Variants in LIN9 observed in about 807,000 individuals in gnomAD.
LIN9 encodes lin-9 DREAM MuvB core complex component, also known as protein lin-9 homolog.
A neutral mutation model predicts 78.0 loss-of-function variants in LIN9; 18 were observed. That is an observed-to-expected ratio of 0.23 (90% CI 0.16 to 0.34). LIN9 has a LOEUF of 0.34. Among genes scored for constraint, LIN9 ranks in the 10% least tolerant of loss-of-function variants. The pLI is 1.00. For synonymous variants in LIN9, 192 were observed against 215.2 expected, an observed-to-expected ratio of 0.89 and a Z score of 0.94; for missense variants, 451 against 644.1, an observed-to-expected ratio of 0.70 and a Z score of 3.25.
intron 10 of LIN9, among the ~76,000 whole-genome samples, chr1:226,253,116 A>G (rs1658946953): frequency 1.3e-5 from 2 of 151,778 alleles, no homozygotes; most frequent in Non-Finnish European, 2.9e-5. Context: ...GTAAAAAATT[A>G]GCCAAGTGTG....
Position 226,267,994 on chromosome 1 carries a change from C to T in LIN9, c.779G>A (p.Gly260Glu). ...GTCAGGGATGGTATGGGTTCCAAGC[C>T]CTGTCCTATCAAAAGTTACTCTATA... is the stretch of plus-strand genomic sequence containing the variant. ...ATYRVTFDRT[G>E]LGTHTIPDYE... The change falls in exon 8 of 15, where the codon GGG (glycine) becomes GAG (glutamate). Residue 260 changes from glycine (G) to glutamate (E), a missense_variant. Physicochemically the swap from Gly to Glu is moderately conservative, Grantham distance 98. Transcript: ENST00000681046. The T allele has an allele frequency of 6.2e-7, 1 of 1,613,752 alleles. No individual in the cohort carries two copies. Among genetic ancestry groups the T allele is most frequent in the Non-Finnish European group, 8.5e-7 (1 of 1,179,818 alleles).
At chr1:226,261,869 CAT>C (rs572077841) in intron 10 of LIN9, among the ~76,000 whole-genome samples, 11 of 152,202 alleles carry the variant, frequency 7.2e-5, no homozygotes, top group Admixed American at 1.3e-4. Context: ...AACTTCAAAA[CAT>C]ACTATAAACC....
rs184060115 is a variant in LIN9 at position 226,231,709 on chromosome 1, A to G, written c.*792T>C. 1.5e-3 allele frequency: 224 copies of G among 154,096 alleles called. 1 individual carries two copies. The highest frequency in any genetic ancestry group is 0.012 in the Admixed American group (188 of 15,324). 9.5% of individuals were successfully genotyped at this position (154,096 alleles called of 1,614,324 possible). On this transcript the variant is annotated 3_prime_UTR_variant, in exon 15 of 15. Coordinates refer to ENST00000681046, the MANE Select transcript of LIN9 (RefSeq NM_001366245.2). ...TGCAAATAAACAAAAAAATATGAAA[A>G]TAGTGTGTTATCATTTTTTTTTTAA...
chr1:226,308,136 A>G (rs1211206190), intron 1 of LIN9, among the ~76,000 whole-genome samples: 1 of 152,252 alleles, frequency 6.6e-6, no homozygotes, highest in African/African-American at 2.4e-5. Context: ...TAAACTGAAT[A>G]GTGAAAGTGG....
chr1:226,295,738 A>G, intron 4 of LIN9, 104 bp downstream of exon 4: 1 of 679,726 alleles, frequency 1.5e-6, no homozygotes, highest in Non-Finnish European at 2.5e-6. Flanking sequence ...ACGAATTTAA[A>G]GAAAAGAACT....
rs1187402418 is a variant in LIN9 at position 226,231,371 on chromosome 1, T to TA, written c.*1129dup. 6.6e-6 allele frequency: 1 copy of TA among 152,516 alleles called. No homozygotes were observed. Among genetic ancestry groups the TA allele is most frequent in the East Asian group, 1.9e-4 (1 of 5,196 alleles). The allele number at this position is 152,516 out of a possible 1,614,324, so 9.4% of individuals were successfully genotyped here. ...TTCAGTTTTATTATACATTAACATATAAAAAGTCTCATTTTATGAGACATC... is the reference window on the plus strand; with the variant it reads ...TTCAGTTTTATTATACATTAACATATAAAAAAGTCTCATTTTATGAGACATC... On this transcript the variant is annotated 3_prime_UTR_variant, in exon 15 of 15. Coordinates refer to ENST00000681046, the MANE Select transcript of LIN9 (RefSeq NM_001366245.2).
chr1:226,257,436 G>A (rs1445454186), intron 10 of LIN9, among the ~76,000 whole-genome samples: 1 of 152,138 alleles, frequency 6.6e-6, no homozygotes, highest in Non-Finnish European at 1.5e-5. Flanking sequence ...CAGCATATTT[G>A]ATTATATATG....
At chr1:226,305,315 G>GAAAAAAA (rs111859953) in intron 1 of LIN9, among the ~76,000 whole-genome samples, 5 of 77,534 alleles carry the variant, frequency 6.4e-5, no homozygotes, top group Non-Finnish European at 1.3e-4. Flanking sequence ...ACAAAAAAAA[G>GAAAAAAA]AAAAAAAAAA....
At chr1:226,300,811 G>A (rs370765035) in intron 2 of LIN9, among the ~76,000 whole-genome samples, 6 of 151,992 alleles carry the variant, frequency 3.9e-5, no homozygotes, top group East Asian at 3.9e-4. Context: ...AGCCAAGATT[G>A]CACCGTTGTA....
In LIN9 at chr1:226,268,009, G is replaced by A. The variant is rs1660041004; in HGVS notation, c.764C>T (p.Thr255Ile). The A allele has an allele frequency of 1.9e-6, 3 of 1,613,874 alleles. No individual in the cohort carries two copies. The highest frequency in any genetic ancestry group is 2.5e-6 in the Non-Finnish European group (3 of 1,179,878). Residue 255 changes from threonine to isoleucine, a missense_variant, in exon 8 of 15, where the codon ACT becomes ATT. Coordinates refer to ENST00000681046, the MANE Select transcript of LIN9 (RefSeq NM_001366245.2). ...GGTTCCAAGCCCTGTCCTATCAAAA[G>A]TTACTCTATAAGTAGCATTAAGAGT... ...VDTLNATYRV[T>I]FDRTGLGTHT... is the part of the protein sequence containing the mutation.
intron 12 of LIN9, among the ~76,000 whole-genome samples, chr1:226,237,423 G>T (rs930148302): frequency 2.0e-5 from 3 of 151,162 alleles, no homozygotes; most frequent in Non-Finnish European, 4.4e-5. Context: ...ACCTGAGGTC[G>T]GGAGTTTGAG....
intron 4 of LIN9, among the ~76,000 whole-genome samples, chr1:226,292,248 C>T (rs966289343): frequency 6.6e-6 from 1 of 151,808 alleles, no homozygotes; most frequent in African/African-American, 2.4e-5. Flanking sequence ...GCAGCTTCCA[C>T]CTCCCAGATT....
intron 6 of LIN9, among the ~76,000 whole-genome samples, chr1:226,285,254 A>G (rs1025391608): frequency 6.6e-6 from 1 of 152,168 alleles, no homozygotes; most frequent in Non-Finnish European, 1.5e-5. Context: ...ATGATAGCAA[A>G]AAGTCACCAA....
chr1:226,251,216 A>G (rs142495220), intron 10 of LIN9, among the ~76,000 whole-genome samples: 371 of 146,986 alleles, frequency 2.5e-3, no homozygotes, highest in African/African-American at 8.9e-3. Flanking sequence ...ACCATGCCTG[A>G]CTAATTTTTG....
At chr1:226,308,503 T>C (rs1663065659) in intron 1 of LIN9, among the ~76,000 whole-genome samples, 1 of 152,200 alleles carries the variant, frequency 6.6e-6, no homozygotes, top group African/African-American at 2.4e-5. Flanking sequence ...CACAGCCACC[T>C]GTGGTCCCAG....
intron 6 of LIN9, among the ~76,000 whole-genome samples, chr1:226,278,994 CAAAA>C (rs1370509026): frequency 6.8e-6 from 1 of 146,364 alleles, no homozygotes; most frequent in Non-Finnish European, 1.5e-5. Flanking sequence ...AACAAACAAA[CAAAA>C]AAACCACAAA....
intron 7 of LIN9, among the ~76,000 whole-genome samples, chr1:226,270,819 T>C (rs1018018071): frequency 6.6e-5 from 8 of 121,346 alleles, no homozygotes; most frequent in Admixed American, 3.5e-4. Context: ...AGCAAGACTC[T>C]GTCTCAAAAA....
At chr1:226,245,557 G>C (rs569770013) in intron 11 of LIN9, among the ~76,000 whole-genome samples, 1 of 151,842 alleles carries the variant, frequency 6.6e-6, no homozygotes, top group Non-Finnish European at 1.5e-5. Context: ...TGAGGAGCTG[G>C]AACTATACCA....
chr1:226,309,708 C>T (rs1398666496), upstream of LIN9: 2 of 1,287,376 alleles, frequency 1.6e-6, no homozygotes, highest in South Asian at 2.5e-5. Flanking sequence ...CCCTGCGCGT[C>T]GCGACGTCCG....
Sources: allele counts gnomAD v4.1 joint callset (sites outside exome capture counted in the v4.1 genomes callset), GRCh38; gene constraint gnomAD v4.1.1; transcripts MANE v1.5; gene names NCBI Gene and HGNC (gene_info 2026-07-23, HGNC 2026-07-21).